Variants in ICOS observed in about 807,000 individuals in gnomAD.
ICOS encodes inducible T cell costimulator, also known as inducible T-cell costimulator.
In ICOS, 15 loss-of-function variants were observed where a neutral mutation model predicts 24.6. That is an observed-to-expected ratio of 0.61 (90% confidence interval 0.41 to 0.94). The LOEUF (loss-of-function observed/expected upper bound fraction) is 0.94, where lower values mean the gene tolerates loss of function less well. Among genes scored for constraint, ICOS ranks in the 40% least tolerant of loss-of-function variants. The pLI, the probability that ICOS is intolerant of heterozygous loss-of-function variation, is 0.00. For synonymous variants in ICOS, 89 were observed against 77.5 expected (o/e 1.15, Z -0.78); for missense variants, 200 against 233.0 (o/e 0.86, Z 0.92).
intron 1 of ICOS, among the ~76,000 whole-genome samples, chr2:203,950,672 A>G (rs997142173): frequency 1.3e-5 from 2 of 152,218 alleles, no homozygotes; most frequent in African/African-American, 4.8e-5. Context: ...TAAACACTGG[A>G]TATGTGGAAA....
intron 1 of ICOS, among the ~76,000 whole-genome samples, chr2:203,944,957 C>G (rs1170218436): frequency 6.6e-6 from 1 of 152,060 alleles, no homozygotes; most frequent in Non-Finnish European, 1.5e-5. Context: ...AAATGTGAAG[C>G]ATATTCTAGT....
intron 1 of ICOS, among the ~76,000 whole-genome samples, chr2:203,941,008 T>C (rs930094340): frequency 6.6e-6 from 1 of 152,090 alleles, no homozygotes. Context: ...ATGGTCTCAA[T>C]TTCCTGACCT....
chr2:203,959,479 C>A, intron 4 of ICOS, 107 bp from the exon 5 acceptor site: 1 of 805,694 alleles, frequency 1.2e-6, no homozygotes, highest in Non-Finnish European at 2.2e-6. Flanking sequence ...TGTGTGTGTG[C>A]ACGTGTGTGT....
At position 203,959,752 on chromosome 2, in the gene ICOS, C is replaced by A. The variant is rs1690144768; in HGVS notation, c.*153C>A. On this transcript the variant is annotated 3_prime_UTR_variant, in exon 5 of 5. Transcript: ENST00000316386. ...GTTCAATCTGGAAGAATGACTGTAT[C>A]AGTCAATGGGGATTTTAACAGACTG... is the stretch of plus-strand genomic sequence containing the variant. 1 of 763,656 alleles carries A rather than the reference C, an allele frequency of 1.3e-6. No homozygotes were observed. Among genetic ancestry groups the A allele is most frequent in the Non-Finnish European group, 2.3e-6 (1 of 436,312 alleles). 47.3% of individuals were successfully genotyped at this position (763,656 alleles called of 1,614,324 possible). A position where few individuals can be genotyped will look rare whatever the true frequency, so the allele number is the denominator to read the frequency against.
At chr2:203,947,909 C>T (rs1440347630) in intron 1 of ICOS, among the ~76,000 whole-genome samples, 1 of 152,224 alleles carries the variant, frequency 6.6e-6, no homozygotes, top group East Asian at 1.9e-4. Context: ...CACTAACATG[C>T]TGTGTTTATA....
intron 1 of ICOS, 95 bp downstream of exon 1, chr2:203,936,967 G>C: frequency 1.1e-6 from 1 of 939,202 alleles, no homozygotes. Flanking sequence ...AAAAGACAGT[G>C]GTTTTGGTTT....
At chr2:203,941,861 T>C (rs921388641) in intron 1 of ICOS, among the ~76,000 whole-genome samples, 1 of 152,260 alleles carries the variant, frequency 6.6e-6, no homozygotes, top group Non-Finnish European at 1.5e-5. Context: ...ATTTTTTTTT[T>C]CAATAGTTTG....
chr2:203,950,273 A>G (rs1404702089), intron 1 of ICOS, among the ~76,000 whole-genome samples: 1 of 152,232 alleles, frequency 6.6e-6, no homozygotes, highest in Non-Finnish European at 1.5e-5. Context: ...CACTCATCAG[A>G]GGCCCAAGGC....
intron 1 of ICOS, among the ~76,000 whole-genome samples, chr2:203,941,975 T>TA (rs998217270): frequency 6.6e-6 from 1 of 152,192 alleles, no homozygotes; most frequent in African/African-American, 2.4e-5. Flanking sequence ...ATGATGCTTG[T>TA]ATCTACTTTG....
At chr2:203,953,850 G>A (rs1046054203) in intron 1 of ICOS, among the ~76,000 whole-genome samples, 43 of 152,124 alleles carry the variant, frequency 2.8e-4, no homozygotes, top group Non-Finnish European at 4.1e-4. Flanking sequence ...GACTAAAAAT[G>A]AAATGTTTAT....
At chr2:203,941,462 C>T (rs1194200123) in intron 1 of ICOS, among the ~76,000 whole-genome samples, 1 of 152,150 alleles carries the variant, frequency 6.6e-6, no homozygotes, top group African/African-American at 2.4e-5. Flanking sequence ...CTGTAAGATT[C>T]ATAGCATTAT....
At chr2:203,946,830 A>G (rs1188337075) in intron 1 of ICOS, among the ~76,000 whole-genome samples, 2 of 152,232 alleles carry the variant, frequency 1.3e-5, no homozygotes, top group African/African-American at 2.4e-5. Flanking sequence ...AATAAGCACT[A>G]TCAATGATTA....
chr2:203,949,198 A>G (rs1206501294), intron 1 of ICOS, among the ~76,000 whole-genome samples: 1 of 152,212 alleles, frequency 6.6e-6, no homozygotes, highest in Non-Finnish European at 1.5e-5. Flanking sequence ...AAGTGGATAG[A>G]TTCTGTTGGA....
chr2:203,951,550 A>C (rs1689972931), intron 1 of ICOS, among the ~76,000 whole-genome samples: 1 of 152,082 alleles, frequency 6.6e-6, no homozygotes, highest in Non-Finnish European at 1.5e-5. Context: ...CACTTCCACC[A>C]CACTGCACCG....
At chr2:203,954,687 A>C (rs1424766221) in intron 1 of ICOS, among the ~76,000 whole-genome samples, 1 of 148,712 alleles carries the variant, frequency 6.7e-6, no homozygotes, top group African/African-American at 2.4e-5. Context: ...TCAGTGGATG[A>C]GGTTTGGAGA....
intron 1 of ICOS, among the ~76,000 whole-genome samples, chr2:203,946,327 C>T (rs534317074): frequency 6.6e-6 from 1 of 151,914 alleles, no homozygotes; most frequent in East Asian, 1.9e-4. Context: ...TATGGAGTTC[C>T]TTGGAGAGTA....
chr2:203,957,574 G>A (rs1197073347), intron 3 of ICOS, among the ~76,000 whole-genome samples: 1 of 152,048 alleles, frequency 6.6e-6, no homozygotes, highest in Non-Finnish European at 1.5e-5. Flanking sequence ...AAGTCTGCTG[G>A]GAAAGAAACA....
At chr2:203,945,402 G>A (rs1186603755) in intron 1 of ICOS, among the ~76,000 whole-genome samples, 2 of 152,196 alleles carry the variant, frequency 1.3e-5, no homozygotes, top group Non-Finnish European at 2.9e-5. Context: ...TCAGACTAGT[G>A]ACTCCCTGAA....
At chr2:203,942,144 T>C (rs1313720334) in intron 1 of ICOS, among the ~76,000 whole-genome samples, 1 of 152,212 alleles carries the variant, frequency 6.6e-6, no homozygotes, top group East Asian at 1.9e-4. Context: ...TAAAGGTAAC[T>C]TTTTTGAATT....
Sources: allele counts gnomAD v4.1 joint callset (sites outside exome capture counted in the v4.1 genomes callset), GRCh38; gene constraint gnomAD v4.1.1; transcripts MANE v1.5; gene names NCBI Gene and HGNC (gene_info 2026-07-23, HGNC 2026-07-21).